CYP4F22: variants seen among roughly 807,000 people sequenced by gnomAD.
The protein encoded by CYP4F22 is cytochrome P450 family 4 subfamily F member 22.
Under a neutral mutation model 60.4 loss-of-function variants are expected in CYP4F22, and 37 were observed. That is an observed-to-expected ratio of 0.61 (90% CI 0.47 to 0.81). The LOEUF (loss-of-function observed/expected upper bound fraction) is 0.81, where lower values mean the gene tolerates loss of function less well. CYP4F22 is among the 30% of genes least tolerant of loss of function. CYP4F22 has a pLI of 0.00. For synonymous variants in CYP4F22, 258 were observed against 280.5 expected (o/e 0.92, Z 0.80); for missense variants, 655 against 715.0 (o/e 0.92, Z 0.96).
intron 1 of CYP4F22, among the ~76,000 whole-genome samples, chr19:15,515,645 G>T (rs1169716516): frequency 6.6e-6 from 1 of 152,024 alleles, no homozygotes; most frequent in African/African-American, 2.4e-5. Flanking sequence ...AGAATTGCTG[G>T]AACCCGGGAG....
intron 10 of CYP4F22, among the ~76,000 whole-genome samples, chr19:15,544,716 C>T (rs1971501643): frequency 1.3e-5 from 2 of 152,094 alleles, no homozygotes; most frequent in African/African-American, 4.8e-5. Context: ...TACCCTGGGT[C>T]GTATTCTTCT....
intron 8 of CYP4F22, among the ~76,000 whole-genome samples, chr19:15,542,976 C>G (rs1971480735): frequency 6.6e-6 from 1 of 152,114 alleles, no homozygotes; most frequent in African/African-American, 2.4e-5. Flanking sequence ...TGGGTTGATT[C>G]CATGTCTTTG....
rs1237062176 is a variant in CYP4F22 at position 15,538,568 on chromosome 19, G to A, written c.671+575G>A. ...CACCATGATATTGCTGCTGAGAACA[G>A]GGTGGTGAACAACAGACAGTCACAG... On this transcript the variant is annotated intron_variant, in intron 7 of 13. Transcript: ENST00000269703. 2.0e-5 allele frequency among the ~76,000 whole-genome samples: 3 copies of A among 152,290 alleles called. No individual in the cohort carries two copies. In the East Asian group the frequency reaches 5.8e-4, roughly 29 times the overall value.
At chr19:15,524,708 G>GAGAGAA (rs1971261825) in intron 2 of CYP4F22, among the ~76,000 whole-genome samples, 2 of 151,658 alleles carry the variant, frequency 1.3e-5, no homozygotes, top group Non-Finnish European at 2.9e-5. Flanking sequence ...GAAAGAGAGA[G>GAGAGAA]AGAAAGAAAG....
At chr19:15,539,056 T>C (rs1038719964) in intron 7 of CYP4F22, among the ~76,000 whole-genome samples, 1 of 152,252 alleles carries the variant, frequency 6.6e-6, no homozygotes, top group African/African-American at 2.4e-5. Context: ...TCACATACTA[T>C]ACCATTTACT....
At position 15,540,632 on chromosome 19, in the gene CYP4F22, C is replaced by T. The variant is rs201426377; in HGVS notation, c.854C>T (p.Ala285Val). The part of the protein sequence containing the change: ...TTEVIQERRR[A>V]LRQQGAEAWL... ...GAAGTCATCCAGGAACGGCGGCGGG[C>T]ACTGCGTCAGCAGGGGGCCGAGGCC... The change falls in exon 8 of 14, where the codon GCA becomes GTA. Residue 285 changes from alanine (A) to valine (V), a missense_variant. Ala to Val is a moderately conservative substitution (Grantham distance 64). Around this residue, in one of 3 missense-constraint regions of CYP4F22, gnomAD observed 430 missense variants for 457.1 expected, o/e 0.94. Coordinates refer to ENST00000269703, the MANE Select transcript of CYP4F22 (RefSeq NM_173483.4). 6 of 1,614,112 alleles carry T rather than the reference C, an allele frequency of 3.7e-6. No homozygotes were observed. The highest frequency in any genetic ancestry group is 3.4e-6 in the Non-Finnish European group (4 of 1,180,066).
intron 12 of CYP4F22, 106 bp downstream of exon 12, chr19:15,549,308 C>A: frequency 1.9e-6 from 2 of 1,074,962 alleles, no homozygotes; most frequent in Non-Finnish European, 2.9e-6. Context: ...GCACACCCCT[C>A]CCCACTCCGC....
At position 15,525,397 on chromosome 19, in the gene CYP4F22, A is replaced by ATAT; in HGVS notation, c.62_64dup (p.Ile21_Tyr22insLeu). The stretch of plus-strand genomic sequence containing the variant: ...GGGGCTGGAGAAGACGGCGTTCCGC[A>ATAT]TATACGCGGTGTCCACCCTTCTCCT... On this transcript the variant is annotated inframe_insertion, in exon 3 of 14. Coordinates refer to ENST00000269703, the MANE Select transcript of CYP4F22 (RefSeq NM_173483.4). The ATAT allele has an allele frequency of 1.2e-6, 2 of 1,614,154 alleles. No individual in the cohort carries two copies. Among genetic ancestry groups the ATAT allele is most frequent in the Non-Finnish European group, 1.7e-6 (2 of 1,180,026 alleles).
intron 12 of CYP4F22, among the ~76,000 whole-genome samples, chr19:15,549,523 A>G (rs2144548073): frequency 6.6e-6 from 1 of 152,336 alleles, no homozygotes; most frequent in Admixed American, 6.5e-5. Flanking sequence ...CACAAAAGAA[A>G]GAAAAACTGG....
At chr19:15,543,086 G>T (rs191981807) in intron 8 of CYP4F22, among the ~76,000 whole-genome samples, 129 of 152,178 alleles carry the variant, frequency 8.5e-4, no homozygotes, top group African/African-American at 2.7e-3. Context: ...GGGATTGCTG[G>T]GTCAAGTGGT....
chr19:15,542,436 C>T (rs1971474201), intron 8 of CYP4F22, among the ~76,000 whole-genome samples: 2 of 152,026 alleles, frequency 1.3e-5, no homozygotes, highest in Admixed American at 6.6e-5. Flanking sequence ...CCTCTGGAGG[C>T]TGAGGCAGGA....
intron 7 of CYP4F22, among the ~76,000 whole-genome samples, chr19:15,538,194 TC>T (rs1347135899): frequency 2.0e-5 from 3 of 152,098 alleles, no homozygotes; most frequent in Admixed American, 6.6e-5. Context: ...CATAATTCCT[TC>T]CCCATAGTCA....
chr19:15,540,855 C>T (rs902506962), intron 8 of CYP4F22, 138 bp downstream of exon 8: 15 of 1,094,670 alleles, frequency 1.4e-5, no homozygotes, highest in African/African-American at 1.1e-4. Flanking sequence ...GAGGCCAAGG[C>T]GGGAGGATCG....
intron 8 of CYP4F22, among the ~76,000 whole-genome samples, chr19:15,541,865 CAAAAAA>C (rs1052977392): frequency 1.0e-5 from 1 of 99,684 alleles, no homozygotes; most frequent in Non-Finnish European, 2.2e-5. Context: ...AACTCCGTCT[CAAAAAA>C]AAAAAAAAAA....
intron 12 of CYP4F22, 101 bp from the exon 13 acceptor site, chr19:15,550,573 T>A: frequency 1.0e-6 from 1 of 995,502 alleles, no homozygotes; most frequent in Non-Finnish European, 1.5e-6. Context: ...CCTGGGGTGC[T>A]CCCCATCCAT....
At position 15,530,653 on chromosome 19, in the gene CYP4F22, G is replaced by A. The variant is rs146070210; in HGVS notation, c.367+800G>A. Among the ~76,000 whole-genome samples, 322 of 152,178 alleles carry A rather than the reference G, an allele frequency of 2.1e-3. 1 individual carries two copies. The highest frequency in any genetic ancestry group is 2.7e-3 in the African/African-American group (114 of 41,520). ...GCCTCAGAAAACTTACAATCATGGC[G>A]GAAGGGGAAGCAAACACGTCCTTCT... is the stretch of plus-strand genomic sequence containing the variant. On this transcript the variant is annotated intron_variant, in intron 4 of 13. Transcript: ENST00000269703.
chr19:15,529,089 A>G (rs1455908647), intron 3 of CYP4F22, among the ~76,000 whole-genome samples: 1 of 151,758 alleles, frequency 6.6e-6, no homozygotes, highest in Non-Finnish European at 1.5e-5. Flanking sequence ...GACTACAGGC[A>G]TGTCCCACCA....
At chr19:15,524,912 A>C (rs537617428) in intron 2 of CYP4F22, among the ~76,000 whole-genome samples, 1 of 152,194 alleles carries the variant, frequency 6.6e-6, no homozygotes, top group Non-Finnish European at 1.5e-5. Context: ...GCTGGAGTTT[A>C]ATCTCATTGG....
At chr19:15,536,121 T>A (rs1971391876) in intron 4 of CYP4F22, among the ~76,000 whole-genome samples, 1 of 152,124 alleles carries the variant, frequency 6.6e-6, no homozygotes, top group Non-Finnish European at 1.5e-5. Context: ...GGAGGATCAC[T>A]TGAGCTCAGG....
Sources: allele counts gnomAD v4.1 joint callset (sites outside exome capture counted in the v4.1 genomes callset), GRCh38; gene constraint gnomAD v4.1.1; regional missense constraint gnomAD v4.1.1; transcripts MANE v1.5; gene names NCBI Gene and HGNC (gene_info 2026-07-23, HGNC 2026-07-21).